Variants in LRP1B observed in about 807,000 individuals in gnomAD.
LRP1B encodes the protein LDL receptor related protein 1B, also known as low-density lipoprotein receptor-related protein 1B.
A neutral mutation model predicts 556.6 loss-of-function variants in LRP1B; 217 were observed. The observed-to-expected ratio is 0.39, with a 90% CI of 0.35 to 0.44. The LOEUF is 0.44. Ranked by LOEUF, LRP1B falls within the 20% of genes least tolerant of loss-of-function variation. The probability of loss-of-function intolerance (pLI) is 1.00; values close to 1 mark genes in which losing one functional copy is unlikely to be tolerated. For missense variants in LRP1B, 5,053 were observed against 5,620.8 expected, an observed-to-expected ratio of 0.90 and a Z score of 3.23; for synonymous variants, 2,047 against 1,865.8, an observed-to-expected ratio of 1.10 and a Z score of -2.50.
rs566615364 is a variant in LRP1B at position 141,019,711 on chromosome 2, A to C, written c.1970+211T>G. Among the ~76,000 whole-genome samples the C allele has an allele frequency of 3.3e-5, 5 of 152,150 alleles. No individual in the cohort carries two copies. The South Asian group carries it at 1.0e-3, about 32-fold the overall frequency. ...ATCAAGTAATACATCTTTGCGCAGT[A>C]ATCTAATTCAGGTCAATGTATTCTG... On this transcript the variant is annotated intron_variant, in intron 12 of 90. Coordinates refer to ENST00000389484, the MANE Select transcript of LRP1B (RefSeq NM_018557.3).
chr2:140,407,001 C>G (rs1033159868), intron 66 of LRP1B, among the ~76,000 whole-genome samples: 1 of 151,962 alleles, frequency 6.6e-6, no homozygotes, highest in African/African-American at 2.4e-5. Context: ...GGCACGTAGG[C>G]CAGTAGAACA....
At chr2:140,345,729 C>CAT (rs373184782) in intron 77 of LRP1B, among the ~76,000 whole-genome samples, 17 of 125,220 alleles carry the variant, frequency 1.4e-4, no homozygotes, top group Non-Finnish European at 2.5e-4. Context: ...TATATATACA[C>CAT]ATATATATAC....
At chr2:140,850,475 C>A in intron 28 of LRP1B, 146 bp from the exon 29 acceptor site, 1 of 566,892 alleles carries the variant, frequency 1.8e-6, no homozygotes, top group South Asian at 2.4e-5. Flanking sequence ...AACAATTTAT[C>A]TATTTTAAAT....
chr2:141,413,820 G>T lies in LRP1B; in HGVS notation c.343+66576C>A, dbSNP rs569535850. ...TGAGCACAGGGAGGTTGAGGCTGCA[G>T]TGAGCTGTTATTGTGCCACTGCTCT... On this transcript the variant is annotated intron_variant, in intron 3 of 90. Coordinates refer to ENST00000389484, the MANE Select transcript of LRP1B (RefSeq NM_018557.3). 3.3e-5 allele frequency among the ~76,000 whole-genome samples: 5 copies of T among 152,110 alleles called. No homozygotes were observed. The South Asian group carries it at 1.0e-3, about 32-fold the overall frequency.
chr2:140,486,022 C>T (rs2105364323), intron 58 of LRP1B, among the ~76,000 whole-genome samples: 1 of 151,938 alleles, frequency 6.6e-6, no homozygotes, highest in Non-Finnish European at 1.5e-5. Flanking sequence ...TTATTTTGAA[C>T]CTAGCTTAAG....
intron 41 of LRP1B, among the ~76,000 whole-genome samples, chr2:140,614,844 T>C (rs917905881): frequency 6.6e-6 from 1 of 152,130 alleles, no homozygotes; most frequent in East Asian, 1.9e-4. Context: ...ACATGGAAAA[T>C]AAAACTGCCT....
intron 2 of LRP1B, among the ~76,000 whole-genome samples, chr2:141,599,900 T>C (rs1240279258): frequency 6.6e-6 from 1 of 152,114 alleles, no homozygotes; most frequent in African/African-American, 2.4e-5. Context: ...TTTTCCTTTC[T>C]CACTTGGGCC....
At chr2:141,758,477 T>G (rs1019675298) in intron 2 of LRP1B, among the ~76,000 whole-genome samples, 29 of 152,278 alleles carry the variant, frequency 1.9e-4, no homozygotes, top group African/African-American at 5.8e-4. Context: ...CATATATATG[T>G]ACTGAATAGC....
intron 35 of LRP1B, among the ~76,000 whole-genome samples, chr2:140,761,832 CATT>C (rs148096524): frequency 0.032 from 4,803 of 152,188 alleles, 250 homozygotes; most frequent in African/African-American, 0.11. Flanking sequence ...GAAGCTATGA[CATT>C]ATAAGCATTG....
chr2:140,603,015 T>C (rs1682733387), intron 41 of LRP1B, among the ~76,000 whole-genome samples: 1 of 152,038 alleles, frequency 6.6e-6, no homozygotes, highest in Non-Finnish European at 1.5e-5. Flanking sequence ...ATGTTCTTAG[T>C]AGCACCACTA....
chr2:141,651,563 G>A (rs1347655716), intron 2 of LRP1B, among the ~76,000 whole-genome samples: 1 of 152,150 alleles, frequency 6.6e-6, no homozygotes, highest in Non-Finnish European at 1.5e-5. Context: ...TACTCAGGAG[G>A]CTGAGGCACA....
chr2:141,875,370 A>G (rs951198133), intron 1 of LRP1B, among the ~76,000 whole-genome samples: 1 of 151,872 alleles, frequency 6.6e-6, no homozygotes, highest in African/African-American at 2.4e-5. Flanking sequence ...TCACATATAG[A>G]CTTGCTGCCA....
chr2:142,025,444 A>T (rs139512451), intron 1 of LRP1B, among the ~76,000 whole-genome samples: 24 of 152,294 alleles, frequency 1.6e-4, no homozygotes, highest in African/African-American at 5.3e-4. Flanking sequence ...AAGGAGACTA[A>T]GGTATTTTAC....
chr2:140,954,501 C>T (rs1695816750), intron 18 of LRP1B, among the ~76,000 whole-genome samples: 1 of 151,954 alleles, frequency 6.6e-6, no homozygotes. Flanking sequence ...AAAAATAAAT[C>T]ATCCTAAGCA....
intron 31 of LRP1B, among the ~76,000 whole-genome samples, chr2:140,825,805 T>C (rs1382718773): frequency 6.6e-6 from 1 of 152,204 alleles, no homozygotes; most frequent in East Asian, 1.9e-4. Context: ...CTTGCAAGGA[T>C]ATACAGCAGT....
chr2:141,553,306 C>G lies in LRP1B; in HGVS notation c.206-72773G>C, dbSNP rs535382874. Among the ~76,000 whole-genome samples, 10 of 151,912 alleles carry G rather than the reference C, an allele frequency of 6.6e-5. No individual in the cohort carries two copies. The South Asian group carries it at 1.7e-3, about 25-fold the overall frequency. ...GCAAGCAAAGGGTTATGAATAAAAC[C>G]TTGAGACTGGCTGCTTTTGTGAGAA... is the stretch of plus-strand genomic sequence containing the variant. On this transcript the variant is annotated intron_variant, in intron 2 of 90. Transcript: ENST00000389484.
intron 21 of LRP1B, among the ~76,000 whole-genome samples, chr2:140,920,876 G>A (rs533920987): frequency 2.0e-5 from 3 of 151,922 alleles, no homozygotes; most frequent in Non-Finnish European, 2.9e-5. Context: ...TTATTAAATC[G>A]ATAATCCAAA....
At chr2:140,643,928 C>A (rs757253809) in intron 41 of LRP1B, among the ~76,000 whole-genome samples, 2 of 152,012 alleles carry the variant, frequency 1.3e-5, no homozygotes, top group African/African-American at 4.8e-5. Flanking sequence ...GGGGGGTGGA[C>A]GATATATGTC....
At chr2:141,671,981 TA>T (rs1172953644) in intron 2 of LRP1B, among the ~76,000 whole-genome samples, 3 of 152,070 alleles carry the variant, frequency 2.0e-5, no homozygotes, top group Non-Finnish European at 4.4e-5. Context: ...ACACTCTCTA[TA>T]TCCAGGGAGG....
Sources: gnomAD v4.1 joint callset for allele counts (sites outside exome capture counted in the v4.1 genomes callset) on GRCh38, gnomAD v4.1.1 for gene constraint, MANE v1.5 for transcripts, NCBI Gene and HGNC (gene_info 2026-07-23, HGNC 2026-07-21) for gene names.